LHFPL2: variants seen among roughly 807,000 people sequenced by gnomAD.
LHFPL2 encodes the protein LHFPL tetraspan subfamily member 2 protein.
In LHFPL2, 7 loss-of-function variants were observed where a neutral mutation model predicts 17.5. The observed-to-expected ratio is 0.40, with a 90% confidence interval of 0.23 to 0.75. The LOEUF (loss-of-function observed/expected upper bound fraction) is 0.75. LHFPL2 is among the 30% of genes least tolerant of loss of function. The pLI is 0.37. For missense variants in LHFPL2, 241 were observed against 294.8 expected, an observed-to-expected ratio of 0.82 and a Z score of 1.34; for synonymous variants, 134 against 116.2, an observed-to-expected ratio of 1.15 and a Z score of -0.99.
chr5:78,571,214 G>A (rs946407715), intron 2 of LHFPL2, among the ~76,000 whole-genome samples: 1 of 152,124 alleles, frequency 6.6e-6, no homozygotes, highest in African/African-American at 2.4e-5. Context: ...ATGGTGCTGT[G>A]CTCCTCTCCT....
intron 2 of LHFPL2, among the ~76,000 whole-genome samples, chr5:78,581,968 T>C (rs1029327482): frequency 4.6e-5 from 7 of 152,154 alleles, no homozygotes; most frequent in African/African-American, 1.7e-4. Flanking sequence ...CAATTTCAGA[T>C]CCTGTTATTG....
chr5:78,501,417 AGG>A (rs1754768935), intron 4 of LHFPL2, among the ~76,000 whole-genome samples: 1 of 152,166 alleles, frequency 6.6e-6, no homozygotes, highest in Non-Finnish European at 1.5e-5. Flanking sequence ...CTTCTGGCTG[AGG>A]GCCCTTCTGC....
chr5:78,587,905 T>C (rs949827209), intron 2 of LHFPL2, among the ~76,000 whole-genome samples: 4 of 152,232 alleles, frequency 2.6e-5, no homozygotes, highest in African/African-American at 7.2e-5. Flanking sequence ...CTTATGGCTC[T>C]GGAGGAAGCA....
At chr5:78,531,892 G>C (rs1340090312) in intron 3 of LHFPL2, among the ~76,000 whole-genome samples, 4 of 150,528 alleles carry the variant, frequency 2.7e-5, no homozygotes, top group Non-Finnish European at 4.4e-5. Context: ...CTCCTGTGTA[G>C]CTGGGAGTAC....
At chr5:78,568,063 A>G (rs970878515) in intron 2 of LHFPL2, among the ~76,000 whole-genome samples, 14 of 152,224 alleles carry the variant, frequency 9.2e-5, no homozygotes, top group African/African-American at 3.4e-4. Flanking sequence ...TGATGACAAG[A>G]ACATCAATTA....
intron 4 of LHFPL2, among the ~76,000 whole-genome samples, chr5:78,509,210 GAGAC>G (rs777612404): frequency 1.3e-5 from 2 of 152,188 alleles, no homozygotes; most frequent in Admixed American, 6.5e-5. Flanking sequence ...CAGGCTCTAG[GAGAC>G]AGACAATTTA....
At chr5:78,584,119 G>A (rs1355895859) in intron 2 of LHFPL2, among the ~76,000 whole-genome samples, 1 of 150,102 alleles carries the variant, frequency 6.7e-6, no homozygotes, top group African/African-American at 2.4e-5. Context: ...CTCGAGCCTT[G>A]GTTTTCAGCT....
intron 2 of LHFPL2, among the ~76,000 whole-genome samples, chr5:78,631,159 T>C (rs541912877): frequency 6.6e-6 from 1 of 152,382 alleles, no homozygotes; most frequent in African/African-American, 2.4e-5. Flanking sequence ...CTGAGGCATA[T>C]TTTAATCTCC....
At chr5:78,536,511 C>T (rs772806231) in intron 3 of LHFPL2, among the ~76,000 whole-genome samples, 4 of 152,160 alleles carry the variant, frequency 2.6e-5, no homozygotes, top group Admixed American at 2.0e-4. Flanking sequence ...TTTATTCTTC[C>T]CCAAAGGGAA....
chr5:78,621,425 G>T (rs1744849762), intron 2 of LHFPL2, among the ~76,000 whole-genome samples: 2 of 151,990 alleles, frequency 1.3e-5, no homozygotes, highest in Admixed American at 6.6e-5. Context: ...CCTGCATCTC[G>T]GTGGAGTTAC....
chr5:78,603,634 C>G (rs1184614559), intron 2 of LHFPL2, among the ~76,000 whole-genome samples: 1 of 152,172 alleles, frequency 6.6e-6, no homozygotes, highest in Non-Finnish European at 1.5e-5. Context: ...ATTCCCAGCA[C>G]TTTGAGAGGC....
intron 3 of LHFPL2, among the ~76,000 whole-genome samples, chr5:78,535,197 G>A (rs1384196998): frequency 6.6e-6 from 1 of 152,174 alleles, no homozygotes; most frequent in Non-Finnish European, 1.5e-5. Flanking sequence ...TGTCGCCAGA[G>A]CAGGCCATTT....
intron 3 of LHFPL2, among the ~76,000 whole-genome samples, chr5:78,513,035 G>A (rs1755184825): frequency 1.3e-5 from 2 of 152,090 alleles, no homozygotes; most frequent in Non-Finnish European, 2.9e-5. Context: ...GATTATAGGC[G>A]TGTGCAACCA....
chr5:78,587,080 A>G lies in LHFPL2; in HGVS notation c.-244-22209T>C, dbSNP rs553072047. ...TTCTTCCTTCATTATTAGTAATAAA[A>G]TGAAGGTATTTCTTATAGTCAGTCA... On this transcript the variant is annotated intron_variant, in intron 2 of 4. Coordinates refer to ENST00000380345, the MANE Select transcript of LHFPL2 (RefSeq NM_005779.3). Among the ~76,000 whole-genome samples, 3 of 152,332 alleles carry G rather than the reference A, an allele frequency of 2.0e-5. No homozygotes were observed. The East Asian group carries it at 5.8e-4, about 29-fold the overall frequency.
chr5:78,558,236 T>C (rs1168523641), intron 3 of LHFPL2, among the ~76,000 whole-genome samples: 1 of 152,252 alleles, frequency 6.6e-6, no homozygotes, highest in Non-Finnish European at 1.5e-5. Flanking sequence ...AAGCTTCATA[T>C]AAAAGCATAC....
chr5:78,574,105 C>T (rs935697511), intron 2 of LHFPL2, among the ~76,000 whole-genome samples: 3 of 152,174 alleles, frequency 2.0e-5, no homozygotes, highest in Admixed American at 1.3e-4. Flanking sequence ...AGTACGCTCA[C>T]GATGAGAACT....
chr5:78,645,573 C>G (rs1309464736), intron 1 of LHFPL2, among the ~76,000 whole-genome samples: 3 of 151,376 alleles, frequency 2.0e-5, no homozygotes, highest in Non-Finnish European at 2.9e-5. Context: ...CACACACACA[C>G]ACACACACAC....
At chr5:78,531,245 G>A (rs988013573) in intron 3 of LHFPL2, among the ~76,000 whole-genome samples, 72 of 151,252 alleles carry the variant, frequency 4.8e-4, no homozygotes, top group African/African-American at 1.7e-3. Context: ...GAGAAACCCC[G>A]TCTCTACTTA....
chr5:78,618,546 G>A (rs918661771), intron 2 of LHFPL2, among the ~76,000 whole-genome samples: 3 of 152,214 alleles, frequency 2.0e-5, no homozygotes, highest in African/African-American at 4.8e-5. Context: ...GGCCTCTCCT[G>A]CCATGATGGC....
Sources: allele counts gnomAD v4.1 joint callset (sites outside exome capture counted in the v4.1 genomes callset), GRCh38; gene constraint gnomAD v4.1.1; transcripts MANE v1.5; gene names NCBI Gene and HGNC (gene_info 2026-07-23, HGNC 2026-07-21).